Variants in LYST observed in about 807,000 individuals in gnomAD.
LYST encodes the protein lysosomal trafficking regulator, also known as lysosomal-trafficking regulator.
In LYST, 192 loss-of-function variants were observed where a neutral mutation model predicts 413.6. That is an observed-to-expected ratio of 0.46 (90% CI 0.41 to 0.52). The LOEUF is 0.52. Among genes scored for constraint, LYST ranks in the 20% least tolerant of loss-of-function variants. LYST has a pLI of 0.00. For missense variants in LYST, 3,815 were observed against 4,499.9 expected, an observed-to-expected ratio of 0.85 and a Z score of 4.35; for synonymous variants, 1,525 against 1,567.3, an observed-to-expected ratio of 0.97 and a Z score of 0.64.
intron 1 of LYST, among the ~76,000 whole-genome samples, chr1:235,842,341 A>T (rs1158275760): frequency 2.6e-5 from 4 of 152,192 alleles, no homozygotes; most frequent in Non-Finnish European, 5.9e-5. Flanking sequence ...TAGAATTTTT[A>T]GATTTCTGAA....
chr1:235,793,593 C>T lies in LYST; in HGVS notation c.4026G>A (p.Val1342=), dbSNP rs1671250213. The T allele has an allele frequency of 1.9e-6, 3 of 1,587,100 alleles. No homozygotes were observed. Among genetic ancestry groups the T allele is most frequent in the African/African-American group, 1.3e-5 (1 of 74,494 alleles). Reference sequence around the variant, plus strand: ...AACTCATCAAAGATACCAAAAGATCCACCAATACTCTCTGGCATGCTAAAT... The same window carrying T: ...AACTCATCAAAGATACCAAAAGATCTACCAATACTCTCTGGCATGCTAAAT... The part of the protein sequence containing the change: ...SDFQACQRVL[V]DLLVSLMSSR... The change falls in exon 11 of 53, where the codon GTG becomes GTA. Residue 1342 remains valine (V), a synonymous_variant. Transcript: ENST00000389793.
In LYST at chr1:235,806,433, G is replaced by A. The variant is rs375670550; in HGVS notation, c.2703C>T (p.Phe901=). The A allele has an allele frequency of 6.2e-6, 10 of 1,614,032 alleles. No individual in the cohort carries two copies. The highest frequency in any genetic ancestry group is 6.8e-6 in the Non-Finnish European group (8 of 1,179,978). The change falls in exon 6 of 53, where the codon TTC becomes TTT. Residue 901 remains phenylalanine (F), a synonymous_variant. Coordinates refer to ENST00000389793, the MANE Select transcript of LYST (RefSeq NM_000081.4). ...QDVHINTINL[F]LCVAFLCVSK... ...TTACGCATAAAAAAGCCACACAGAGGAATAGGTTTATTGTGTTGATATGAA... is the reference window on the plus strand; with the variant it reads ...TTACGCATAAAAAAGCCACACAGAGAAATAGGTTTATTGTGTTGATATGAA...
chr1:235,760,508 T>C (rs1464895429), intron 22 of LYST, among the ~76,000 whole-genome samples: 1 of 152,194 alleles, frequency 6.6e-6, no homozygotes, highest in Non-Finnish European at 1.5e-5. Flanking sequence ...ATTATTTTCA[T>C]TGTAGTGCAT....
At chr1:235,688,934 G>A (rs1224712483) in intron 47 of LYST, among the ~76,000 whole-genome samples, 1 of 150,862 alleles carries the variant, frequency 6.6e-6, no homozygotes, top group Non-Finnish European at 1.5e-5. Context: ...GCAGTGAGCC[G>A]AGATCGCACC....
At chr1:235,795,503 C>G (rs969145390) in intron 10 of LYST, among the ~76,000 whole-genome samples, 1 of 152,156 alleles carries the variant, frequency 6.6e-6, no homozygotes, top group Non-Finnish European at 1.5e-5. Context: ...AGACACTATA[C>G]GCCAGCCAAG....
intron 17 of LYST, among the ~76,000 whole-genome samples, chr1:235,775,772 A>G (rs980378305): frequency 6.6e-6 from 1 of 152,074 alleles, no homozygotes; most frequent in Non-Finnish European, 1.5e-5. Context: ...GTAAAGGCCT[A>G]AACTGGAAGT....
At chr1:235,708,533 A>G (rs1382488296) in intron 44 of LYST, among the ~76,000 whole-genome samples, 1 of 152,176 alleles carries the variant, frequency 6.6e-6, no homozygotes, top group Non-Finnish European at 1.5e-5. Context: ...TGTACAAACA[A>G]TGCAGTTTAT....
At chr1:235,745,490 A>G (rs1311488935) in intron 29 of LYST, among the ~76,000 whole-genome samples, 1 of 152,248 alleles carries the variant, frequency 6.6e-6, no homozygotes, top group East Asian at 1.9e-4. Flanking sequence ...GTAAAACTAC[A>G]GCCACTCTGG....
intron 21 of LYST, among the ~76,000 whole-genome samples, chr1:235,764,380 A>G (rs1667901135): frequency 6.6e-6 from 1 of 152,076 alleles, no homozygotes; most frequent in African/African-American, 2.4e-5. Context: ...CTTTATCCAC[A>G]GTCCTTTTTC....
intron 29 of LYST, among the ~76,000 whole-genome samples, chr1:235,744,485 G>T (rs990960898): frequency 2.6e-5 from 4 of 152,108 alleles, no homozygotes; most frequent in Admixed American, 2.6e-4. Flanking sequence ...TACATGAGTG[G>T]ATCTACAGAG....
intron 21 of LYST, among the ~76,000 whole-genome samples, chr1:235,764,188 C>T (rs1449728336): frequency 6.6e-6 from 1 of 152,098 alleles, no homozygotes; most frequent in African/African-American, 2.4e-5. Context: ...CTGGGAAATC[C>T]CCCTCAGTCT....
At chr1:235,750,844 T>C (rs1666419683) in intron 28 of LYST, among the ~76,000 whole-genome samples, 1 of 152,242 alleles carries the variant, frequency 6.6e-6, no homozygotes, top group Non-Finnish European at 1.5e-5. Flanking sequence ...ACATGATTGC[T>C]GGACACCTTT....
chr1:235,806,776 T>C lies in LYST; in HGVS notation c.2364-4A>G. 1.3e-6 allele frequency: 2 copies of C among 1,598,516 alleles called. No homozygotes were observed. Among genetic ancestry groups the C allele is most frequent in the East Asian group, 2.2e-5 (1 of 44,654 alleles). The stretch of plus-strand genomic sequence containing the variant: ...CAAAAACAAATCTCTTATTACCCTG[T>C]GAAAGAAAAAAAGCATGTAAAAAGG... On this transcript the variant is annotated splice_polypyrimidine_tract_variant and splice_region_variant and intron_variant, in intron 5 of 52. Transcript: ENST00000389793.
chr1:235,810,847 A>G (rs1033321744), intron 4 of LYST, among the ~76,000 whole-genome samples: 1 of 152,208 alleles, frequency 6.6e-6, no homozygotes, highest in Non-Finnish European at 1.5e-5. Flanking sequence ...CTGATTTTTA[A>G]AACAACAAAA....
At chr1:235,815,939 C>T (rs115656192) in intron 3 of LYST, among the ~76,000 whole-genome samples, 3,081 of 149,078 alleles carry the variant, frequency 0.021, 105 homozygotes, top group African/African-American at 0.072. Context: ...GAGACCATCC[C>T]GGCCAACTGG....
intron 44 of LYST, 124 bp downstream of exon 44, chr1:235,708,967 T>G: frequency 2.4e-6 from 2 of 843,976 alleles, no homozygotes; most frequent in South Asian, 2.9e-5. Flanking sequence ...TAGGTGACAG[T>G]TTAATGCTAC....
chr1:235,738,100 C>T, intron 31 of LYST: 1 of 1,606,760 alleles, frequency 6.2e-7, no homozygotes, highest in Non-Finnish European at 8.5e-7. Context: ...CTTGGCATGG[C>T]CTGTGCCATC....
Position 235,806,061 on chromosome 1 carries a change from G to A in LYST, c.3075C>T (p.Asn1025=). 6.2e-7 allele frequency: 1 copy of A among 1,613,706 alleles called. No homozygotes were observed. The highest frequency in any genetic ancestry group is 8.5e-7 in the Non-Finnish European group (1 of 1,179,842). The stretch of plus-strand genomic sequence containing the variant: ...TAGTTCTCTTAGGTTGAGAAATTCT[G>A]TTTAAATCCTGGTTTTCATTTACAC... The part of the protein sequence containing the change: ...DTSVNENQDL[N]RISQPKRTMK... Residue 1025 remains asparagine (N), a synonymous_variant, in exon 6 of 53, where the codon AAC becomes AAT. Transcript: ENST00000389793.
chr1:235,686,386 A>G lies in LYST; in HGVS notation c.10800+563T>C, dbSNP rs931221516. On this transcript the variant is annotated intron_variant, in intron 48 of 52. Transcript: ENST00000389793. The surrounding 1 kb of genome is among the most constrained non-coding windows in gnomAD (Gnocchi z 4.0). The stretch of plus-strand genomic sequence containing the variant: ...TGTCTCAAAAAACAAAAACAAAACA[A>G]AACAAAACAAAACCCCCCAAAAACA... Among the ~76,000 whole-genome samples, 13 of 152,154 alleles carry G rather than the reference A, an allele frequency of 8.5e-5. No individual in the cohort carries two copies. Among genetic ancestry groups the G allele is most frequent in the Non-Finnish European group, 1.9e-4 (13 of 68,032 alleles).
Sources: gnomAD v4.1 joint callset for allele counts (sites outside exome capture counted in the v4.1 genomes callset) on GRCh38, gnomAD v4.1.1 for gene constraint, Gnocchi (gnomAD v3.1) non-coding constraint, MANE v1.5 for transcripts, NCBI Gene and HGNC (gene_info 2026-07-23, HGNC 2026-07-21) for gene names.